DLG2: variants seen among roughly 807,000 people sequenced by gnomAD.
The protein encoded by DLG2 is discs large MAGUK scaffold protein 2.
DLG2 carries 45 observed loss-of-function variants against 132.5 expected under a neutral mutation model. That is an observed-to-expected ratio of 0.34 (90% confidence interval 0.27 to 0.44). The LOEUF (loss-of-function observed/expected upper bound fraction) is 0.44, where lower values mean the gene tolerates loss of function less well. Among genes scored for constraint, DLG2 ranks in the 20% least tolerant of loss-of-function variants. The pLI is 1.00. For missense variants in DLG2, 1,045 were observed against 1,196.9 expected, an observed-to-expected ratio of 0.87 and a Z score of 1.87; for synonymous variants, 424 against 419.6, an observed-to-expected ratio of 1.01 and a Z score of -0.13.
In DLG2 at chr11:83,773,417, C is replaced by T. The variant is rs543841355; in HGVS notation, c.1825+13273G>A. ...TATTTCAATTAATGTTTCCAAGACT[C>T]TATTTTCAAATTCTCAAAGCCACTA... On this transcript the variant is annotated intron_variant, in intron 18 of 27. Transcript: ENST00000376104. Among the ~76,000 whole-genome samples the T allele has an allele frequency of 9.2e-5, 14 of 152,284 alleles. 1 individual carries two copies. Among genetic ancestry groups the T allele is most frequent in the African/African-American group, 2.9e-4 (12 of 41,558 alleles).
At chr11:84,039,119 T>C (rs911959089) in intron 11 of DLG2, among the ~76,000 whole-genome samples, 5 of 152,080 alleles carry the variant, frequency 3.3e-5, no homozygotes, top group African/African-American at 1.2e-4. Flanking sequence ...ACACAGGATT[T>C]TGTTCCATTT....
chr11:84,668,374 G>A (rs971701151), intron 6 of DLG2, among the ~76,000 whole-genome samples: 2 of 152,106 alleles, frequency 1.3e-5, no homozygotes, highest in African/African-American at 2.4e-5. Context: ...GATAGGTTTT[G>A]TCAAATGTTC....
Position 85,598,737 on chromosome 11 carries a change from T to G in DLG2, c.-41A>C. On this transcript the variant is annotated 5_prime_UTR_variant, in exon 3 of 28. Coordinates refer to ENST00000376104, the MANE Select transcript of DLG2 (RefSeq NM_001142699.3). Reference sequence around the variant, plus strand: ...ATTTTTCAACAGCTGCTCCTCTGGTTTCCTTAATTTTTTGCAGTATTCTTC... The same window carrying G: ...ATTTTTCAACAGCTGCTCCTCTGGTGTCCTTAATTTTTTGCAGTATTCTTC... The G allele has an allele frequency of 6.4e-7, 1 of 1,555,444 alleles. No homozygotes were observed.
intron 6 of DLG2, among the ~76,000 whole-genome samples, chr11:84,666,323 C>A (rs995039690): frequency 6.6e-6 from 1 of 152,160 alleles, no homozygotes; most frequent in African/African-American, 2.4e-5. Flanking sequence ...AGCCTTCGAA[C>A]TGGAACATCA....
chr11:83,895,285 G>A (rs928720010), intron 15 of DLG2, among the ~76,000 whole-genome samples: 3 of 150,918 alleles, frequency 2.0e-5, no homozygotes, highest in South Asian at 2.1e-4. Flanking sequence ...TCAGCCTCCC[G>A]AGTAGCTGGG....
At chr11:85,201,413 C>G (rs1659675142) in intron 4 of DLG2, among the ~76,000 whole-genome samples, 2 of 152,122 alleles carry the variant, frequency 1.3e-5, no homozygotes, top group African/African-American at 4.8e-5. Context: ...AGACAGTCTT[C>G]TATACCTAGG....
intron 18 of DLG2, among the ~76,000 whole-genome samples, chr11:83,723,408 G>GAAAACAAC (rs1223226403): frequency 5.9e-5 from 9 of 151,592 alleles, no homozygotes; most frequent in African/African-American, 1.7e-4. Context: ...TAATTAAATT[G>GAAAACAAC]AAAACAACAA....
At chr11:84,356,945 C>T (rs185535262) in intron 7 of DLG2, among the ~76,000 whole-genome samples, 23 of 152,028 alleles carry the variant, frequency 1.5e-4, no homozygotes, top group Admixed American at 1.5e-3. Context: ...AGTTCAAGGG[C>T]TATTGGGTAG....
At chr11:85,078,934 G>T (rs115619292) in intron 6 of DLG2, among the ~76,000 whole-genome samples, 48 of 152,138 alleles carry the variant, frequency 3.2e-4, no homozygotes, top group African/African-American at 1.1e-3. Context: ...TTTTCCCAAG[G>T]TTAAGGACAT....
At chr11:84,981,586 C>A (rs2055748415) in intron 6 of DLG2, among the ~76,000 whole-genome samples, 1 of 152,058 alleles carries the variant, frequency 6.6e-6, no homozygotes, top group African/African-American at 2.4e-5. Context: ...GCTTATAAAA[C>A]AATAGACAGC....
At chr11:84,814,157 G>C (rs1416069350) in intron 6 of DLG2, among the ~76,000 whole-genome samples, 1 of 151,970 alleles carries the variant, frequency 6.6e-6, no homozygotes, top group African/African-American at 2.4e-5. Flanking sequence ...TCCCCTCAAA[G>C]AAAGTTTGCA....
chr11:84,337,597 T>C (rs1049977393), intron 7 of DLG2, among the ~76,000 whole-genome samples: 7 of 152,218 alleles, frequency 4.6e-5, no homozygotes, highest in Non-Finnish European at 1.0e-4. Context: ...TAATAAATAC[T>C]CTTCTCAGTA....
At chr11:84,766,899 T>G (rs890031892) in intron 6 of DLG2, among the ~76,000 whole-genome samples, 13 of 152,090 alleles carry the variant, frequency 8.5e-5, no homozygotes, top group Non-Finnish European at 4.4e-5. Context: ...TGGCTTACTT[T>G]TGGGGACACT....
chr11:84,416,625 C>T (rs2154461389), intron 7 of DLG2, among the ~76,000 whole-genome samples: 1 of 152,308 alleles, frequency 6.6e-6, no homozygotes, highest in South Asian at 2.1e-4. Context: ...AGATCCTGGT[C>T]TATCACTTAA....
At chr11:83,743,969 A>C (rs924737044) in intron 18 of DLG2, among the ~76,000 whole-genome samples, 5 of 152,152 alleles carry the variant, frequency 3.3e-5, no homozygotes, top group African/African-American at 1.2e-4. Context: ...GAGGCTGGAA[A>C]ATGAAAAACT....
intron 6 of DLG2, among the ~76,000 whole-genome samples, chr11:85,042,943 C>T (rs1248698499): frequency 1.3e-5 from 2 of 151,818 alleles, no homozygotes; most frequent in Admixed American, 6.6e-5. Flanking sequence ...GTTGATAGTA[C>T]ATTTTTTCTG....
rs1002496394 is a variant in DLG2 at position 84,921,534 on chromosome 11, T to C, written c.357+190127A>G. Among the ~76,000 whole-genome samples, 27 of 152,168 alleles carry C rather than the reference T, an allele frequency of 1.8e-4. 1 individual carries two copies. The highest frequency in any genetic ancestry group is 2.4e-5 in the African/African-American group (1 of 41,456). ...GTAAAGCTAAATTCATAAAGACGACTGTTAGTAGGTAAGAGTAAAAAGAAA... is the reference window on the plus strand; with the variant it reads ...GTAAAGCTAAATTCATAAAGACGACCGTTAGTAGGTAAGAGTAAAAAGAAA... On this transcript the variant is annotated intron_variant, in intron 6 of 27. Transcript: ENST00000376104.
intron 6 of DLG2, among the ~76,000 whole-genome samples, chr11:84,915,513 C>G (rs1234861873): frequency 2.0e-5 from 3 of 152,184 alleles, no homozygotes; most frequent in Non-Finnish European, 4.4e-5. Flanking sequence ...AATTTCTGAA[C>G]ACACTTGAGA....
chr11:85,127,186 A>G (rs544763289), intron 5 of DLG2, among the ~76,000 whole-genome samples: 1 of 151,892 alleles, frequency 6.6e-6, no homozygotes, highest in South Asian at 2.1e-4. Flanking sequence ...CTTACATCCC[A>G]GCCATATTGT....
Sources: allele counts gnomAD v4.1 joint callset (sites outside exome capture counted in the v4.1 genomes callset), GRCh38; gene constraint gnomAD v4.1.1; transcripts MANE v1.5; gene names NCBI Gene and HGNC (gene_info 2026-07-23, HGNC 2026-07-21).